MECR: variants seen among roughly 807,000 people sequenced by gnomAD.
MECR encodes the protein enoyl-[acyl-carrier-protein] reductase, mitochondrial.
MECR carries 37 observed loss-of-function variants against 49.1 expected under a neutral mutation model. That is an observed-to-expected ratio of 0.75 (90% CI 0.58 to 0.99). MECR has a LOEUF of 0.99. Ranked by LOEUF, MECR falls within the 50% of genes least tolerant of loss-of-function variation. The probability of loss-of-function intolerance (pLI) is 0.00; values close to 1 mark genes in which losing one functional copy is unlikely to be tolerated. For missense variants in MECR, 470 were observed against 479.6 expected, an observed-to-expected ratio of 0.98 and a Z score of 0.19; for synonymous variants, 198 against 191.1, an observed-to-expected ratio of 1.04 and a Z score of -0.30.
At chr1:29,196,076 TAC>T in intron 8 of MECR, 63 bp from the exon 9 acceptor site, 4 of 1,597,958 alleles carry the variant, frequency 2.5e-6, no homozygotes, top group Non-Finnish European at 3.4e-6. Flanking sequence ...CGCTTAAGGG[TAC>T]AGACTCCCCT....
the MECR span, among the ~76,000 whole-genome samples, chr1:29,185,998 A>G: frequency 6.6e-5 from 10 of 152,108 alleles, no homozygotes; most frequent in Non-Finnish European, 1.2e-4. Flanking sequence ...GCACACACAC[A>G]CACAAAAACA....
chr1:29,173,052 T>A, the MECR span: 1 of 151,758 alleles, frequency 6.6e-6, no homozygotes, highest in African/African-American at 2.4e-5. Context: ...TGCTTAATGA[T>A]ACTTTTCACT....
chr1:29,201,831 G>C lies in MECR; in HGVS notation c.756+112C>G. On this transcript the variant is annotated intron_variant, in intron 6 of 9. Coordinates refer to ENST00000263702, the MANE Select transcript of MECR (RefSeq NM_016011.5). This position sits in a 1 kb window ranked among gnomAD's most constrained non-coding sequence, Gnocchi z 4.3. ...GCTTTAACCAACCAAGAGGCAAAGG[G>C]AGGTTTCCAGAGAGGAACAATGGGG... 1.1e-6 allele frequency: 1 copy of C among 946,912 alleles called. No homozygotes were observed. The allele number at this position is 946,912 out of a possible 1,614,324, so 58.7% of individuals were successfully genotyped here.
Position 29,216,037 on chromosome 1 carries a change from C to T in MECR, c.374G>A (p.Gly125Glu). The T allele has an allele frequency of 6.2e-7, 1 of 1,614,176 alleles. No individual in the cohort carries two copies. The highest frequency in any genetic ancestry group is 8.5e-7 in the Non-Finnish European group (1 of 1,180,010). ...VGSNVTGLKP[G>E]DWVIPANAGL... ...AGCATTTGCTGGAATCACCCAGTCT[C>T]CTGGCTTCAGCCCGGTCACATTGCT... is the stretch of plus-strand genomic sequence containing the variant. The change falls in exon 3 of 10, where the codon GGA becomes GAA. Residue 125 changes from glycine to glutamate, a missense_variant. Physicochemically the swap from Gly to Glu is moderately conservative, Grantham distance 98 (BLOSUM62 -2). Coordinates refer to ENST00000263702, the MANE Select transcript of MECR (RefSeq NM_016011.5).
At chr1:29,214,634 T>C (rs1261164543) in intron 3 of MECR, among the ~76,000 whole-genome samples, 1 of 152,184 alleles carries the variant, frequency 6.6e-6, no homozygotes, top group African/African-American at 2.4e-5. Context: ...GTGCTGGGAT[T>C]ACAGGCGTGA....
chr1:29,221,883 A>T (rs1426882071), intron 1 of MECR, among the ~76,000 whole-genome samples: 1 of 152,174 alleles, frequency 6.6e-6, no homozygotes, highest in Non-Finnish European at 1.5e-5. Flanking sequence ...AACATTTTAT[A>T]TACATGAGGA....
In MECR at chr1:29,201,982, T is replaced by C. The variant is rs761967896; in HGVS notation, c.717A>G (p.Glu239=). ...TCATTTCGGGCCTTCTTAGCTCCTC[T>C]TCTGTGATGACATGCTCAGCCCCCA... ...KSLGAEHVIT[E]EELRRPEMKN... Residue 239 remains glutamate (E), a synonymous_variant, in exon 6 of 10, where the codon GAA becomes GAG. Coordinates refer to ENST00000263702, the MANE Select transcript of MECR (RefSeq NM_016011.5). This position sits in a 1 kb window ranked among gnomAD's most constrained non-coding sequence, Gnocchi z 4.3. 3 of 1,614,190 alleles carry C rather than the reference T, an allele frequency of 1.9e-6. No homozygotes were observed. Among genetic ancestry groups the C allele is most frequent in the Non-Finnish European group, 1.7e-6 (2 of 1,180,032 alleles).
At position 29,229,675 on chromosome 1, in the gene MECR, TTGTC is replaced by T. The variant is rs530182766; in HGVS notation, c.176+1052_176+1055del. 7.9e-5 allele frequency among the ~76,000 whole-genome samples: 12 copies of T among 152,190 alleles called. 1 individual carries two copies. The highest frequency in any genetic ancestry group is 1.6e-4 in the Non-Finnish European group (11 of 68,032). ...TCTTAGGTGATTACCACTATGAACT[TTGTC>T]TGTACTGTCTCCATTTTTTAAGATG... On this transcript the variant is annotated intron_variant, in intron 1 of 9. Coordinates refer to ENST00000263702, the MANE Select transcript of MECR (RefSeq NM_016011.5).
At chr1:29,179,937 T>C in the MECR span, among the ~76,000 whole-genome samples, 1 of 152,226 alleles carries the variant, frequency 6.6e-6, no homozygotes, top group Non-Finnish European at 1.5e-5. Context: ...AGTCTTGTCA[T>C]TTCCTGCACA....
chr1:29,206,747 C>G lies in MECR; in HGVS notation c.550+15G>C. 6.2e-7 allele frequency: 1 copy of G among 1,613,750 alleles called. No homozygotes were observed. Among genetic ancestry groups the G allele is most frequent in the Non-Finnish European group, 8.5e-7 (1 of 1,179,780 alleles). ...GCGAGACCCTGGCCTGCTCCCCCAA[C>G]CTGTGGGTTCCTACCTGGCTGCAGT... On this transcript the variant is annotated intron_variant, in intron 4 of 9. Coordinates refer to ENST00000263702, the MANE Select transcript of MECR (RefSeq NM_016011.5).
At chr1:29,223,352 T>C (rs1681246282) in intron 1 of MECR, 1 of 924,644 alleles carries the variant, frequency 1.1e-6, no homozygotes, top group Admixed American at 6.2e-5. Context: ...CCCTGGGGAC[T>C]GGCACAGTTA....
At chr1:29,167,928 A>G in the MECR span, among the ~76,000 whole-genome samples, 1 of 152,048 alleles carries the variant, frequency 6.6e-6, no homozygotes, top group Admixed American at 6.6e-5. Flanking sequence ...CTCATTTTCA[A>G]GGAGCTCATG....
the MECR span, chr1:29,173,040 G>A: frequency 1.3e-5 from 2 of 151,632 alleles, no homozygotes; most frequent in Non-Finnish European, 2.9e-5. Context: ...ATCTTAAAAG[G>A]ATGCTTAATG....
chr1:29,196,023 C>A lies in MECR; in HGVS notation c.892-10G>T, dbSNP rs1188584370. 6.2e-7 allele frequency: 1 copy of A among 1,614,190 alleles called. No individual in the cohort carries two copies. Among genetic ancestry groups the A allele is most frequent in the Non-Finnish European group, 8.5e-7 (1 of 1,179,996 alleles). On this transcript the variant is annotated splice_polypyrimidine_tract_variant and intron_variant, in intron 8 of 9. Coordinates refer to ENST00000263702, the MANE Select transcript of MECR (RefSeq NM_016011.5). ...TAAAAATGAGCAGGCTCTGCAGACA[C>A]AGGAAGGACATGCTGGGCTCTGAGG...
intron 7 of MECR, among the ~76,000 whole-genome samples, chr1:29,196,884 C>T (rs1368269283): frequency 2.7e-5 from 4 of 150,466 alleles, no homozygotes; most frequent in South Asian, 2.1e-4. Flanking sequence ...TGATACATGC[C>T]TGTGGCCCCA....
chr1:29,182,264 C>T, the MECR span, among the ~76,000 whole-genome samples: 4 of 152,084 alleles, frequency 2.6e-5, no homozygotes, highest in Non-Finnish European at 5.9e-5. Flanking sequence ...ATTGTGTACC[C>T]GTGACCTTGG....
At chr1:29,196,338 C>G in intron 7 of MECR, 80 bp from the exon 8 acceptor site, 4 of 1,259,674 alleles carry the variant, frequency 3.2e-6, no homozygotes, top group Non-Finnish European at 3.4e-6. Flanking sequence ...CGCTTCTACT[C>G]CAACCCTGGT....
the MECR span, among the ~76,000 whole-genome samples, chr1:29,185,945 C>T: frequency 1.3e-5 from 2 of 152,102 alleles, no homozygotes; most frequent in Non-Finnish European, 2.9e-5. Context: ...GTGATCATGC[C>T]ACTGTCCTCA....
chr1:29,200,517 C>G lies in MECR; in HGVS notation c.829G>C (p.Ala277Pro), dbSNP rs1219720870. The change falls in exon 7 of 10, where the codon GCG (alanine) becomes CCG (proline). Residue 277 changes from alanine to proline, a missense_variant and splice_region_variant. Transcript: ENST00000263702. ...GACCTGCAGGCCCAAGGGACTTACG[C>G]TAACTGCCGCAGCAGCTCTGTGGAG... ...KSSTELLRQL[A>P]RGGTMVTYGG... is the part of the protein sequence containing the mutation. The G allele has an allele frequency of 8.1e-6, 13 of 1,613,138 alleles. No homozygotes were observed. Among genetic ancestry groups the G allele is most frequent in the Non-Finnish European group, 1.1e-5 (13 of 1,179,214 alleles).
Sources: gnomAD v4.1 joint callset for allele counts (sites outside exome capture counted in the v4.1 genomes callset) on GRCh38, gnomAD v4.1.1 for gene constraint, Gnocchi (gnomAD v3.1) non-coding constraint, MANE v1.5 for transcripts, NCBI Gene and HGNC (gene_info 2026-07-23, HGNC 2026-07-21) for gene names.